The following SPATA31H1 variants were observed in gnomAD, a reference collection of about 807,000 sequenced individuals.
The protein encoded by SPATA31H1 is spermatogenesis-associated protein 31H1.
chr2:27,561,189 G>A, the SPATA31H1 span, among the ~76,000 whole-genome samples: 10 of 152,042 alleles, frequency 6.6e-5, no homozygotes, highest in African/African-American at 2.4e-5. Flanking sequence ...AAATGACCGG[G>A]GCATGGTGGT....
At chr2:27,551,671 T>C in the SPATA31H1 span, among the ~76,000 whole-genome samples, 1 of 152,032 alleles carries the variant, frequency 6.6e-6, no homozygotes, top group Non-Finnish European at 1.5e-5. Context: ...AATACCTTCC[T>C]CTTCAGGAAA....
chr2:27,554,558 C>T, the SPATA31H1 span, among the ~76,000 whole-genome samples: 1 of 125,074 alleles, frequency 8.0e-6, no homozygotes. Flanking sequence ...AGAGATATCT[C>T]TGGAGTTTTT....
the SPATA31H1 span, among the ~76,000 whole-genome samples, chr2:27,543,324 T>G: frequency 6.6e-6 from 1 of 152,114 alleles, no homozygotes; most frequent in Non-Finnish European, 1.5e-5. Flanking sequence ...AATTTTATTT[T>G]AAAACAATAT....
chr2:27,570,342 G>A, the SPATA31H1 span: 5 of 398,742 alleles, frequency 1.3e-5, no homozygotes, highest in East Asian at 3.6e-5. Context: ...ATTTCAAAGT[G>A]TAAAATCTGA....
chr2:27,551,879 C>T, the SPATA31H1 span, among the ~76,000 whole-genome samples: 1 of 151,842 alleles, frequency 6.6e-6, no homozygotes, highest in Admixed American at 6.6e-5. Flanking sequence ...GCAGAGGTGC[C>T]ATCTCAGCTC....
chr2:27,575,448 T>C, the SPATA31H1 span: 3 of 398,528 alleles, frequency 7.5e-6, no homozygotes, highest in Non-Finnish European at 1.3e-5. This position sits in a 1 kb window ranked among gnomAD's most constrained non-coding sequence, Gnocchi z 4.1. Flanking sequence ...TCAGCAACAG[T>C]TGCAAGGTGT....
chr2:27,558,783 CGCAGGCACTCG>C, the SPATA31H1 span, among the ~76,000 whole-genome samples: 3 of 104,322 alleles, frequency 2.9e-5, no homozygotes, highest in Admixed American at 2.1e-4. Context: ...CGCCTGCAAT[CGCAGGCACTCG>C]GCAGGCTGAG....
At chr2:27,539,667 GGC>G in the SPATA31H1 span, among the ~76,000 whole-genome samples, 2 of 101,556 alleles carry the variant, frequency 2.0e-5, no homozygotes, top group African/African-American at 7.6e-5. Flanking sequence ...CGGGCAGAGG[GGC>G]TCCTCACTTC....
At chr2:27,574,351 T>G in the SPATA31H1 span, 1 of 398,350 alleles carries the variant, frequency 2.5e-6, no homozygotes, top group African/African-American at 2.1e-5. Flanking sequence ...GTGAAATCGG[T>G]AGAATTCAAA....
the SPATA31H1 span, chr2:27,580,320 G>A: frequency 2.5e-6 from 4 of 1,614,036 alleles, no homozygotes; most frequent in Admixed American, 5.0e-5. Context: ...AAAAACTAGA[G>A]CACCTGGGCA....
the SPATA31H1 span, among the ~76,000 whole-genome samples, chr2:27,552,304 G>C: frequency 1.3e-5 from 2 of 151,786 alleles, no homozygotes; most frequent in African/African-American, 4.9e-5. Context: ...TCATTCTTTT[G>C]CATGTGGCTA....
the SPATA31H1 span, among the ~76,000 whole-genome samples, chr2:27,556,475 C>A: frequency 6.6e-6 from 1 of 151,432 alleles, no homozygotes; most frequent in Non-Finnish European, 1.5e-5. Flanking sequence ...GTCCCATATA[C>A]CTATTGGCTC....
the SPATA31H1 span, chr2:27,582,395 C>G: frequency 1.2e-6 from 2 of 1,614,212 alleles, no homozygotes; most frequent in Non-Finnish European, 1.7e-6. Context: ...AGGAGGGACT[C>G]AAGTACAGTT....
chr2:27,554,202 T>C, the SPATA31H1 span, among the ~76,000 whole-genome samples: 3 of 152,070 alleles, frequency 2.0e-5, no homozygotes, highest in Non-Finnish European at 4.4e-5. Flanking sequence ...CCTCTTTTCT[T>C]TCTGAGCCCT....
At chr2:27,541,878 C>A in the SPATA31H1 span, among the ~76,000 whole-genome samples, 1 of 151,970 alleles carries the variant, frequency 6.6e-6, no homozygotes, top group Non-Finnish European at 1.5e-5. Context: ...TCGAGTGATT[C>A]TCCTACCACA....
the SPATA31H1 span, among the ~76,000 whole-genome samples, chr2:27,542,976 C>G: frequency 2.0e-5 from 3 of 151,722 alleles, no homozygotes; most frequent in Non-Finnish European, 2.9e-5. Context: ...ACTAGGGAGT[C>G]CCAGCTACTC....
At chr2:27,560,618 C>T in the SPATA31H1 span, among the ~76,000 whole-genome samples, 1 of 152,070 alleles carries the variant, frequency 6.6e-6, no homozygotes, top group African/African-American at 2.4e-5. Flanking sequence ...CCTCCACACC[C>T]AGCTAATTTT....
At chr2:27,581,747 C>G in the SPATA31H1 span, 1 of 1,611,816 alleles carries the variant, frequency 6.2e-7, no homozygotes, top group Non-Finnish European at 8.5e-7. Flanking sequence ...CTCGGAGGAG[C>G]CATCGCAGTC....
At chr2:27,568,945 A>C in the SPATA31H1 span, 2 of 398,978 alleles carry the variant, frequency 5.0e-6, no homozygotes, top group Non-Finnish European at 8.8e-6. Flanking sequence ...GAATCTTTAG[A>C]GATGATCTCC....
Sources: allele counts gnomAD v4.1 joint callset (sites outside exome capture counted in the v4.1 genomes callset), GRCh38; gene constraint gnomAD v4.1.1; non-coding constraint Gnocchi (gnomAD v3.1); transcripts MANE v1.5; gene names NCBI Gene and HGNC (gene_info 2026-07-23, HGNC 2026-07-21).